The following STAT1 variants were observed in gnomAD, a reference collection of about 807,000 sequenced individuals.
STAT1 encodes signal transducer and activator of transcription 1-alpha/beta.
In STAT1, 24 loss-of-function variants were observed where a neutral mutation model predicts 111.7. The ratio of observed to expected loss-of-function variants is 0.21; its 90% confidence interval spans 0.16 to 0.30. The LOEUF (loss-of-function observed/expected upper bound fraction) is 0.30. STAT1 is among the 10% of genes least tolerant of loss of function. STAT1 has a pLI of 1.00. For synonymous variants in STAT1, 332 were observed against 326.5 expected (o/e 1.02, Z -0.18); for missense variants, 351 against 911.9 (o/e 0.38, Z 7.92).
chr2:190,986,728 G>T lies in STAT1; in HGVS notation c.1221+126C>A. The T allele has an allele frequency of 1.1e-6, 1 of 911,306 alleles. No individual in the cohort carries two copies. The highest frequency in any genetic ancestry group is 1.8e-6 in the Non-Finnish European group (1 of 552,368). 56.5% of individuals were successfully genotyped at this position (911,306 alleles called of 1,614,324 possible). A position where few individuals can be genotyped will look rare whatever the true frequency, so the allele number is the denominator to read the frequency against. On this transcript the variant is annotated intron_variant, in intron 14 of 24. Coordinates refer to ENST00000361099, the MANE Select transcript of STAT1 (RefSeq NM_007315.4). The surrounding 1 kb of genome is among the most constrained non-coding windows in gnomAD (Gnocchi z 5.0). Reference sequence around the variant, plus strand: ...AAGTACTGGCGACAGGAAGACACCAGCCACAAAGTCTACAAACCCCAGCAG... The same window carrying T: ...AAGTACTGGCGACAGGAAGACACCATCCACAAAGTCTACAAACCCCAGCAG...
Position 190,993,198 on chromosome 2 carries a change from T to C in STAT1, c.944+1863A>G, listed in dbSNP as rs1693521364. The C allele has an allele frequency of 1.1e-5, 6 of 542,628 alleles. No individual in the cohort carries two copies. In the Admixed American group the frequency reaches 1.7e-4, roughly 15 times the overall value. The allele number at this position is 542,628 out of a possible 1,614,324, so 33.6% of individuals were successfully genotyped here. On this transcript the variant is annotated intron_variant, in intron 10 of 24. Coordinates refer to ENST00000361099, the MANE Select transcript of STAT1 (RefSeq NM_007315.4). This position sits in a 1 kb window ranked among gnomAD's most constrained non-coding sequence, Gnocchi z 4.1. ...TTCTCTGTGGTCAGATCACACTTGTTCCCTACCAACAATTTGTTGACGTTT... is the reference window on the plus strand; with the variant it reads ...TTCTCTGTGGTCAGATCACACTTGTCCCCTACCAACAATTTGTTGACGTTT...
intron 10 of STAT1, among the ~76,000 whole-genome samples, chr2:190,994,521 C>T (rs908665624): frequency 3.3e-5 from 5 of 151,908 alleles, no homozygotes; most frequent in Admixed American, 2.0e-4. Context: ...GAGACTCAGC[C>T]AAAGGGGAAG....
chr2:191,000,742 T>G lies in STAT1; in HGVS notation c.462+332A>C, dbSNP rs1422094289. Among the ~76,000 whole-genome samples, 2 of 152,182 alleles carry G rather than the reference T, an allele frequency of 1.3e-5. No individual in the cohort carries two copies. ...ATGGGCCATGTTTATCCTGGGGCACTGTGATTTGAGAGGTGTGGACATAAA... is the reference window on the plus strand; with the variant it reads ...ATGGGCCATGTTTATCCTGGGGCACGGTGATTTGAGAGGTGTGGACATAAA... On this transcript the variant is annotated intron_variant, in intron 6 of 24. Transcript: ENST00000361099. This position sits in a 1 kb window ranked among gnomAD's most constrained non-coding sequence, Gnocchi z 4.8.
intron 10 of STAT1, among the ~76,000 whole-genome samples, chr2:190,994,017 G>A (rs541489984): frequency 1.4e-4 from 22 of 152,262 alleles, no homozygotes; most frequent in African/African-American, 4.8e-4. Flanking sequence ...GGAAAGGAAC[G>A]AAGGGTGACT....
rs1274440385 is a variant in STAT1, at chr2:190,969,584, G to A, written c.*1119C>T. On this transcript the variant is annotated 3_prime_UTR_variant, in exon 25 of 25. Transcript: ENST00000361099. ...CCACTCAAAAAAGTGTCTGGAAAAA[G>A]TACAGGAGAGAGAATGGAACCATTC... 6.6e-6 allele frequency: 1 copy of A among 152,174 alleles called. No homozygotes were observed. Among genetic ancestry groups the A allele is most frequent in the African/African-American group, 2.4e-5 (1 of 41,444 alleles). 9.4% of individuals were successfully genotyped at this position (152,174 alleles called of 1,614,324 possible). A position where few individuals can be genotyped will look rare whatever the true frequency, so the allele number is the denominator to read the frequency against.
rs1482195980 is a variant in STAT1 at position 190,980,956 on chromosome 2, T to C, written c.1583-287A>G. ...ATTCCTGGGCACCACGATATGAGAG[T>C]TTTTAGGGAAAGCGGAAACATCACA... is the stretch of plus-strand genomic sequence containing the variant. On this transcript the variant is annotated intron_variant, in intron 18 of 24. Transcript: ENST00000361099. This position sits in a 1 kb window ranked among gnomAD's most constrained non-coding sequence, Gnocchi z 6.1. 4.6e-5 allele frequency among the ~76,000 whole-genome samples: 7 copies of C among 151,636 alleles called. No homozygotes were observed. Among genetic ancestry groups the C allele is most frequent in the African/African-American group, 1.7e-4 (7 of 41,222 alleles).
At chr2:191,008,226 A>G (rs768289104) in intron 4 of STAT1, among the ~76,000 whole-genome samples, 6 of 134,160 alleles carry the variant, frequency 4.5e-5, no homozygotes, top group East Asian at 2.6e-4. Context: ...AAAATCATAA[A>G]TACATTCACA....
chr2:190,985,731 A>C lies in STAT1; in HGVS notation c.1222-71T>G, dbSNP rs1692752390. ...AAGTTGCTATCTTCATTTACAAATG[A>C]GAACAAAGTTAGGACTAGAAAGAAT... On this transcript the variant is annotated intron_variant, in intron 14 of 24. Transcript: ENST00000361099. The C allele has an allele frequency of 6.7e-6, 10 of 1,495,472 alleles. No homozygotes were observed. The South Asian group carries it at 1.0e-4, about 15-fold the overall frequency. 92.6% of individuals were successfully genotyped at this position (1,495,472 alleles called of 1,614,324 possible). A position where few individuals can be genotyped will look rare whatever the true frequency, so the allele number is the denominator to read the frequency against.
rs557748393 is a variant in STAT1, at chr2:191,008,432, G to A, written c.273+531C>T. 2.3e-3 allele frequency among the ~76,000 whole-genome samples: 351 copies of A among 152,316 alleles called. 1 individual carries two copies. The highest frequency in any genetic ancestry group is 4.3e-3 in the Non-Finnish European group (294 of 68,024). On this transcript the variant is annotated intron_variant, in intron 4 of 24. Transcript: ENST00000361099. ...AAAACTCTATAGCATGTTCTCTCAT[G>A]TCTGGATCTTTCTTTGACTTTCTCT...
intron 10 of STAT1, chr2:190,992,551 T>C: frequency 2.8e-6 from 1 of 360,966 alleles, no homozygotes; most frequent in East Asian, 4.9e-5. Flanking sequence ...GTAGTGCAGC[T>C]ACATACAGTA....
Position 190,982,267 on chromosome 2 carries a change from G to A in STAT1, c.1582+116C>T, listed in dbSNP as rs566420291. ...ATAATAAACTATAGCTTGAAAAGCT[G>A]ACAGATTTTAGTACTTTTTTACCTT... is the stretch of plus-strand genomic sequence containing the variant. On this transcript the variant is annotated intron_variant, in intron 18 of 24. Transcript: ENST00000361099. The surrounding 1 kb of genome is among the most constrained non-coding windows in gnomAD (Gnocchi z 7.3). 4.0e-6 allele frequency: 5 copies of A among 1,237,730 alleles called. No individual in the cohort carries two copies. The highest frequency in any genetic ancestry group is 1.5e-5 in the African/African-American group (1 of 66,716). 76.7% of individuals were successfully genotyped at this position (1,237,730 alleles called of 1,614,324 possible). A position where few individuals can be genotyped will look rare whatever the true frequency, so the allele number is the denominator to read the frequency against.
In STAT1 at chr2:190,996,075, C is replaced by A. The variant is rs1264050648; in HGVS notation, c.786-856G>T. 6.6e-6 allele frequency among the ~76,000 whole-genome samples: 1 copy of A among 152,024 alleles called. No homozygotes were observed. The highest frequency in any genetic ancestry group is 1.5e-5 in the Non-Finnish European group (1 of 67,984). On this transcript the variant is annotated intron_variant, in intron 9 of 24. Transcript: ENST00000361099. This position sits in a 1 kb window ranked among gnomAD's most constrained non-coding sequence, Gnocchi z 4.5. ...GGAGAGACAGAGATGGGAGACAAGG[C>A]CGGGGACAGGAAGAGAGGAAGGAAT...
Position 190,979,454 on chromosome 2 carries a change from AG to A in STAT1, c.1727+317del, listed in dbSNP as rs888650773. On this transcript the variant is annotated intron_variant, in intron 20 of 24. Transcript: ENST00000361099. The surrounding 1 kb of genome is among the most constrained non-coding windows in gnomAD (Gnocchi z 5.8). Reference sequence around the variant, plus strand: ...GATAGAAATGATTTACCCAGTTAAAAGGGTTTTTCTTCCTTCCTAGGGGCCA... The same window carrying A: ...GATAGAAATGATTTACCCAGTTAAAAGGTTTTTCTTCCTTCCTAGGGGCCA... 3.3e-5 allele frequency among the ~76,000 whole-genome samples: 5 copies of A among 152,218 alleles called. No individual in the cohort carries two copies. Among genetic ancestry groups the A allele is most frequent in the African/African-American group, 1.2e-4 (5 of 41,456 alleles).
intron 2 of STAT1, among the ~76,000 whole-genome samples, chr2:191,013,150 A>T (rs1695272029): frequency 6.6e-6 from 1 of 152,266 alleles, no homozygotes; most frequent in Non-Finnish European, 1.5e-5. Flanking sequence ...TTTCAGACGG[A>T]ATTAGAAAGT....
intron 10 of STAT1, 64 bp downstream of exon 10, chr2:190,994,997 A>G: frequency 7.0e-7 from 1 of 1,428,378 alleles, no homozygotes; most frequent in Non-Finnish European, 9.8e-7. Flanking sequence ...ATCTGAATTA[A>G]CGGTAAAATG....
Position 190,975,062 on chromosome 2 carries a change from A to C in STAT1, c.2136-130T>G. The C allele has an allele frequency of 1.2e-6, 1 of 800,486 alleles. No homozygotes were observed. The highest frequency in any genetic ancestry group is 2.1e-6 in the Non-Finnish European group (1 of 465,920). The allele number at this position is 800,486 out of a possible 1,614,324, so 49.6% of individuals were successfully genotyped here. On this transcript the variant is annotated intron_variant, in intron 23 of 24. Transcript: ENST00000361099. The surrounding 1 kb of genome is among the most constrained non-coding windows in gnomAD (Gnocchi z 5.9). ...ATATTTTTATTTTGGGTAAGTGCAT[A>C]CACTTGTAAAATACATTTGCAAAAG...
rs1215111657 is a variant in STAT1, at chr2:191,000,941, C to CT, written c.462+132dup. On this transcript the variant is annotated intron_variant, in intron 6 of 24. Transcript: ENST00000361099. This position sits in a 1 kb window ranked among gnomAD's most constrained non-coding sequence, Gnocchi z 4.8. ...CAATTTGTTTACTTATAGCTTGAGACTTCTGCAAAATTTTTCTTCCCAACT... is the reference window on the plus strand; with the variant it reads ...CAATTTGTTTACTTATAGCTTGAGACTTTCTGCAAAATTTTTCTTCCCAACT... The CT allele has an allele frequency of 3.6e-5, 27 of 753,590 alleles. No individual in the cohort carries two copies. The African/African-American group carries it at 3.6e-4, about 10-fold the overall frequency. 46.7% of individuals were successfully genotyped at this position (753,590 alleles called of 1,614,324 possible).
In STAT1 at chr2:190,976,039, C is replaced by T. The variant is rs780624651; in HGVS notation, c.2060-152G>A. The T allele has an allele frequency of 1.4e-6, 1 of 698,536 alleles. No individual in the cohort carries two copies. The highest frequency in any genetic ancestry group is 2.5e-6 in the Non-Finnish European group (1 of 395,292). The allele number at this position is 698,536 out of a possible 1,614,324, so 43.3% of individuals were successfully genotyped here. A position where few individuals can be genotyped will look rare whatever the true frequency, so the allele number is the denominator to read the frequency against. On this transcript the variant is annotated intron_variant, in intron 22 of 24. Coordinates refer to ENST00000361099, the MANE Select transcript of STAT1 (RefSeq NM_007315.4). The surrounding 1 kb of genome is among the most constrained non-coding windows in gnomAD (Gnocchi z 6.0). ...AGCTATAACCTCCCTGCCTGAGTCA[C>T]CTAAAATTCTAGTGGGAATGCAGAA...
At position 190,995,332 on chromosome 2, in the gene STAT1, C is replaced by A. The variant is rs548649963; in HGVS notation, c.786-113G>T. ...CTCATGCTGCTAATAAAGACATACTCGAGACTGGAGAATTTATAAAGGAAA... is the reference window on the plus strand; with the variant it reads ...CTCATGCTGCTAATAAAGACATACTAGAGACTGGAGAATTTATAAAGGAAA... On this transcript the variant is annotated intron_variant, in intron 9 of 24. Coordinates refer to ENST00000361099, the MANE Select transcript of STAT1 (RefSeq NM_007315.4). The surrounding 1 kb of genome is among the most constrained non-coding windows in gnomAD (Gnocchi z 4.2). The A allele has an allele frequency of 2.8e-6, 3 of 1,074,386 alleles. No homozygotes were observed. Among genetic ancestry groups the A allele is most frequent in the South Asian group, 2.5e-5 (2 of 79,332 alleles). The allele number at this position is 1,074,386 out of a possible 1,614,324, so 66.6% of individuals were successfully genotyped here.
Sources: gnomAD v4.1 joint callset for allele counts (sites outside exome capture counted in the v4.1 genomes callset) on GRCh38, gnomAD v4.1.1 for gene constraint, Gnocchi (gnomAD v3.1) non-coding constraint, MANE v1.5 for transcripts, NCBI Gene and HGNC (gene_info 2026-07-23, HGNC 2026-07-21) for gene names.